Variants in ANKRD11 observed in about 807,000 individuals in gnomAD.
ANKRD11 encodes ankyrin repeat domain-containing protein 11.
In ANKRD11, 17 loss-of-function variants were observed where a neutral mutation model predicts 195.7. The observed-to-expected ratio is 0.09, with a 90% confidence interval of 0.06 to 0.13. The LOEUF (loss-of-function observed/expected upper bound fraction) is 0.13. Ranked by LOEUF, ANKRD11 falls within the 10% of genes least tolerant of loss-of-function variation. The pLI, the probability that ANKRD11 is intolerant of heterozygous loss-of-function variation, is 1.00. For synonymous variants in ANKRD11, 1,953 were observed against 1,528.1 expected, an observed-to-expected ratio of 1.28 and a Z score of -6.49; for missense variants, 3,735 against 3,566.1, an observed-to-expected ratio of 1.05 and a Z score of -1.21.
chr16:89,464,619 AAAAAGAAAAG>A (rs1422652890), intron 1 of ANKRD11, among the ~76,000 whole-genome samples: 11 of 151,390 alleles, frequency 7.3e-5, no homozygotes, highest in African/African-American at 2.4e-4. Flanking sequence ...AAAAAAAAAA[AAAAAGAAAAG>A]AAAAGAAAAA....
chr16:89,299,198 G>C (rs2035651271), intron 4 of ANKRD11: 1 of 159,682 alleles, frequency 6.3e-6, no homozygotes, highest in Admixed American at 6.4e-5. Flanking sequence ...AGTCTGCAGA[G>C]GTTTCTAGGG....
At chr16:89,411,376 G>A (rs887452218) in intron 2 of ANKRD11, among the ~76,000 whole-genome samples, 2 of 152,242 alleles carry the variant, frequency 1.3e-5, no homozygotes, top group African/African-American at 4.8e-5. Context: ...GCCCTGGCTG[G>A]GCCAGACGCT....
intron 2 of ANKRD11, among the ~76,000 whole-genome samples, chr16:89,329,863 G>A (rs986139129): frequency 3.3e-5 from 5 of 152,024 alleles, no homozygotes; most frequent in South Asian, 4.1e-4. Flanking sequence ...AAAATTAGCC[G>A]GGCATGGTGG....
chr16:89,337,410 G>GAACATGGT (rs2038419899), intron 2 of ANKRD11, among the ~76,000 whole-genome samples: 1 of 130,056 alleles, frequency 7.7e-6, no homozygotes, highest in Admixed American at 8.1e-5. Flanking sequence ...CACAATACAT[G>GAACATGGT]AACATGGTCT....
chr16:89,296,301 C>T (rs962232299), intron 4 of ANKRD11, among the ~76,000 whole-genome samples: 2 of 152,044 alleles, frequency 1.3e-5, no homozygotes, highest in African/African-American at 4.8e-5. Context: ...CCTCTGCTGC[C>T]GGCCTCTGGA....
intron 2 of ANKRD11, among the ~76,000 whole-genome samples, chr16:89,335,489 C>T (rs1025131020): frequency 6.6e-6 from 1 of 152,216 alleles, no homozygotes; most frequent in Non-Finnish European, 1.5e-5. Context: ...TGGGTTAGGG[C>T]AGGTGCTCTC....
chr16:89,397,294 A>G (rs1490562154), intron 2 of ANKRD11, among the ~76,000 whole-genome samples: 1 of 152,210 alleles, frequency 6.6e-6, no homozygotes, highest in Non-Finnish European at 1.5e-5. Flanking sequence ...GAACCCCCTC[A>G]GGGCAAGGCC....
chr16:89,293,810 C>T (rs1364067638), intron 4 of ANKRD11, among the ~76,000 whole-genome samples: 1 of 152,056 alleles, frequency 6.6e-6, no homozygotes, highest in East Asian at 1.9e-4. Context: ...TCCCGAAGTG[C>T]AGGCGTTGCC....
chr16:89,486,220 G>C (rs2057608500), intron 1 of ANKRD11, among the ~76,000 whole-genome samples: 1 of 151,932 alleles, frequency 6.6e-6, no homozygotes. Context: ...AGGAGACTGA[G>C]GTAAGCCAAC....
At chr16:89,388,716 A>C (rs1268032094) in intron 2 of ANKRD11, among the ~76,000 whole-genome samples, 1 of 152,036 alleles carries the variant, frequency 6.6e-6, no homozygotes, top group African/African-American at 2.4e-5. Flanking sequence ...CCACACAAAG[A>C]AGAGCCGGCA....
At chr16:89,301,282 G>C in intron 4 of ANKRD11, 1 of 376,422 alleles carries the variant, frequency 2.7e-6, no homozygotes, top group Non-Finnish European at 4.7e-6. Context: ...GATTTTTTAA[G>C]TTTTGGGAAA....
chr16:89,354,442 G>A (rs147729846), intron 2 of ANKRD11, among the ~76,000 whole-genome samples: 33 of 152,298 alleles, frequency 2.2e-4, no homozygotes, highest in Admixed American at 5.9e-4. Context: ...TGCCAGCGCA[G>A]TGCAGAGCCA....
At chr16:89,361,079 G>A (rs2039709257) in intron 2 of ANKRD11, among the ~76,000 whole-genome samples, 1 of 152,150 alleles carries the variant, frequency 6.6e-6, no homozygotes, top group Non-Finnish European at 1.5e-5. Flanking sequence ...CTGCTGCAAT[G>A]GCACCTCCTA....
At position 89,280,917 on chromosome 16, in the gene ANKRD11, G is replaced by A. The variant is rs201082380; in HGVS notation, c.5625C>T (p.Val1875=). The change falls in exon 9 of 13, where the codon GTC becomes GTT. Residue 1875 remains valine, a synonymous_variant. Transcript: ENST00000301030. ...AGAAGACGCCCTCTGGAGACGGGGT[G>A]ACAGTGACAACGGCAGCCGGTGGGC... is the stretch of plus-strand genomic sequence containing the variant. ...LHCPPAAVVT[V]TPSPEGVFSS... is the part of the protein sequence containing the mutation. 345 of 1,598,276 alleles carry A rather than the reference G, an allele frequency of 2.2e-4. 1 individual carries two copies. The Admixed American group carries it at 5.6e-3, about 26-fold the overall frequency.
In ANKRD11 at chr16:89,279,310, A is replaced by G; in HGVS notation, c.7232T>C (p.Ile2411Thr). The G allele has an allele frequency of 2.5e-6, 4 of 1,611,846 alleles. No homozygotes were observed. The highest frequency in any genetic ancestry group is 3.4e-6 in the Non-Finnish European group (4 of 1,179,732). The change falls in exon 9 of 13, where the codon ATC (isoleucine) becomes ACC (threonine). Residue 2411 changes from isoleucine (I) to threonine (T), a missense_variant. Ile to Thr is a moderately conservative substitution (Grantham distance 89, BLOSUM62 -1). Transcript: ENST00000301030. The surrounding 1 kb of genome is among the most constrained non-coding windows in gnomAD (Gnocchi z 5.6). Reference sequence around the variant, plus strand: ...CACGATGGCGGCCAGCGTCTGCTGGATCACCTCCCGCGTCTGCTGCGTGGA... The same window carrying G: ...CACGATGGCGGCCAGCGTCTGCTGGGTCACCTCCCGCGTCTGCTGCGTGGA... ...NTSTQQTREV[I>T]QQTLAAIVDA...
chr16:89,450,955 G>C (rs2044042314), intron 1 of ANKRD11, among the ~76,000 whole-genome samples: 1 of 152,200 alleles, frequency 6.6e-6, no homozygotes. Flanking sequence ...ACCCAGCTAA[G>C]AGTTATGGCC....
chr16:89,285,463 G>C lies in ANKRD11; in HGVS notation c.1079C>G (p.Pro360Arg). 6.2e-7 allele frequency: 1 copy of C among 1,613,970 alleles called. No individual in the cohort carries two copies. Among genetic ancestry groups the C allele is most frequent in the Non-Finnish European group, 8.5e-7 (1 of 1,179,956 alleles). Reference sequence around the variant, plus strand: ...TTTCAATAGGTGCTTGTCGTCCACCGGAGGAACCCTGTCCTGCTCGTCGTC... The same window carrying C: ...TTTCAATAGGTGCTTGTCGTCCACCCGAGGAACCCTGTCCTGCTCGTCGTC... The part of the protein sequence containing the change: ...DEDDEQDRVP[P>R]VDDKHLLKKD... The change falls in exon 9 of 13, where the codon CCG (proline) becomes CGG (arginine). Residue 360 changes from proline (P) to arginine (R), a missense_variant. Physicochemically the swap from Pro to Arg is moderately radical, Grantham distance 103. Transcript: ENST00000301030. The surrounding 1 kb of genome is among the most constrained non-coding windows in gnomAD (Gnocchi z 5.6).
Position 89,279,874 on chromosome 16 carries a change from G to A in ANKRD11, c.6668C>T (p.Ala2223Val), listed in dbSNP as rs537338393. Residue 2223 changes from alanine (A) to valine (V), a missense_variant, in exon 9 of 13, where the codon GCG (alanine) becomes GTG (valine). Coordinates refer to ENST00000301030, the MANE Select transcript of ANKRD11 (RefSeq NM_013275.6). The surrounding 1 kb of genome is among the most constrained non-coding windows in gnomAD (Gnocchi z 5.6). ...LDVALEAAVE[A>V]ETVPEERARG... ...GGCCCTCTCTTCCGGCACCGTCTCC[G>A]CCTCCACCGCAGCTTCTAGAGCCAC... is the stretch of plus-strand genomic sequence containing the variant. The A allele has an allele frequency of 8.9e-6, 14 of 1,578,346 alleles. No homozygotes were observed. The highest frequency in any genetic ancestry group is 2.7e-5 in the African/African-American group (2 of 74,358).
chr16:89,449,187 C>CAAAA (rs397778191), intron 1 of ANKRD11, among the ~76,000 whole-genome samples: 3 of 73,462 alleles, frequency 4.1e-5, no homozygotes, highest in Non-Finnish European at 5.5e-5. Context: ...CCAGTCTCTA[C>CAAAA]AAAAAAAAAA....
Sources: allele counts gnomAD v4.1 joint callset (sites outside exome capture counted in the v4.1 genomes callset), GRCh38; gene constraint gnomAD v4.1.1; non-coding constraint Gnocchi (gnomAD v3.1); transcripts MANE v1.5; gene names NCBI Gene and HGNC (gene_info 2026-07-23, HGNC 2026-07-21).